EWSR1: variants seen among roughly 807,000 people sequenced by gnomAD.
EWSR1 encodes the protein EWS RNA binding protein 1.
Under a neutral mutation model 92.1 loss-of-function variants are expected in EWSR1, and 14 were observed. The observed-to-expected ratio is 0.15, with a 90% CI of 0.10 to 0.24. The LOEUF is 0.24. EWSR1 is among the 10% of genes least tolerant of loss of function. EWSR1 has a pLI of 1.00. For missense variants in EWSR1, 637 were observed against 870.9 expected, an observed-to-expected ratio of 0.73 and a Z score of 3.38; for synonymous variants, 303 against 292.9, an observed-to-expected ratio of 1.03 and a Z score of -0.35.
At position 29,296,235 on chromosome 22, in the gene EWSR1, C is replaced by CT; in HGVS notation, c.1165-3dup. 6.2e-7 allele frequency: 1 copy of CT among 1,613,668 alleles called. No homozygotes were observed. The highest frequency in any genetic ancestry group is 8.5e-7 in the Non-Finnish European group (1 of 1,179,810). Reference sequence around the variant, plus strand: ...CATGCCTAACTATGCTATTCTTTGTCTAGATGAACAAGAGAACTGGGCAAC... The same window carrying CT: ...CATGCCTAACTATGCTATTCTTTGTCTTAGATGAACAAGAGAACTGGGCAAC... On this transcript the variant is annotated splice_polypyrimidine_tract_variant and splice_region_variant and intron_variant, in intron 11 of 16. Transcript: ENST00000397938.
intron 3 of EWSR1, 132 bp downstream of exon 3, chr22:29,272,563 C>G: frequency 2.2e-6 from 2 of 909,986 alleles, no homozygotes; most frequent in Non-Finnish European, 3.4e-6. Flanking sequence ...GCATTTTAAA[C>G]TTTCACAGTG....
At chr22:29,290,551 CAA>C (rs1348259344) in intron 8 of EWSR1, 1 of 1,560,364 alleles carries the variant, frequency 6.4e-7, no homozygotes, top group African/African-American at 1.4e-5. Flanking sequence ...ATATTTTTAA[CAA>C]AATGTATTCA....
At position 29,282,568 on chromosome 22, in the gene EWSR1, T is replaced by A; in HGVS notation, c.581+11T>A. The A allele has an allele frequency of 6.7e-7, 1 of 1,496,396 alleles. No homozygotes were observed. The highest frequency in any genetic ancestry group is 8.9e-7 in the Non-Finnish European group (1 of 1,127,216). The allele number at this position is 1,496,396 out of a possible 1,614,324, so 92.7% of individuals were successfully genotyped here. On this transcript the variant is annotated intron_variant, in intron 6 of 16. Coordinates refer to ENST00000397938, the MANE Select transcript of EWSR1 (RefSeq NM_005243.4). ...CTACCCTCCTACCAGGTCAGTCTAC[T>A]TTTTGTGGCAAAACAAAAACAGTGA...
chr22:29,278,546 G>C (rs5763125), intron 5 of EWSR1, among the ~76,000 whole-genome samples: 2 of 151,768 alleles, frequency 1.3e-5, no homozygotes, highest in East Asian at 3.9e-4. Context: ...AAATACCGGG[G>C]GGGCGCAGTG....
At chr22:29,286,141 ATTTTTTGGGTTT>A (rs945364755) in intron 6 of EWSR1, among the ~76,000 whole-genome samples, 57 of 144,282 alleles carry the variant, frequency 4.0e-4, no homozygotes, top group African/African-American at 1.4e-3. Flanking sequence ...ACCCGGCCTG[ATTTTTTGGGTTT>A]TTTTTTGGAG....
At chr22:29,268,526 G>A (rs971744779) in intron 1 of EWSR1, among the ~76,000 whole-genome samples, 177 bp downstream of exon 1, 8 of 152,024 alleles carry the variant, frequency 5.3e-5, no homozygotes, top group Non-Finnish European at 8.8e-5. Flanking sequence ...CCAACCGGGC[G>A]GGCCGGTTCT....
intron 4 of EWSR1, among the ~76,000 whole-genome samples, chr22:29,274,803 T>A (rs2058972644): frequency 6.6e-6 from 1 of 152,224 alleles, no homozygotes. Flanking sequence ...TGTATTCCGA[T>A]ACTGAGGTTG....
chr22:29,279,977 C>T (rs2059434663), intron 5 of EWSR1, among the ~76,000 whole-genome samples: 1 of 152,154 alleles, frequency 6.6e-6, no homozygotes, highest in Non-Finnish European at 1.5e-5. Context: ...CTGTCTGTCT[C>T]ATAATCAGTG....
intron 4 of EWSR1, 44 bp from the exon 5 acceptor site, chr22:29,277,986 C>T: frequency 2.5e-6 from 4 of 1,571,374 alleles, no homozygotes; most frequent in East Asian, 2.2e-5. Flanking sequence ...CTAGGCAGAT[C>T]TCTGAGGGGA....
At chr22:29,283,003 C>G (rs920918207) in intron 6 of EWSR1, among the ~76,000 whole-genome samples, 3 of 152,152 alleles carry the variant, frequency 2.0e-5, no homozygotes, top group African/African-American at 7.2e-5. Flanking sequence ...ACCTCGTGAT[C>G]CACCCATCTC....
At chr22:29,280,061 T>C (rs1477838326) in intron 5 of EWSR1, among the ~76,000 whole-genome samples, 1 of 152,128 alleles carries the variant, frequency 6.6e-6, no homozygotes, top group Non-Finnish European at 1.5e-5. Flanking sequence ...TCACACCCTC[T>C]CTGGTTTTTC....
rs1160649962 is a variant in EWSR1 at position 29,278,096 on chromosome 22, A to T, written c.293A>T (p.Tyr98Phe). ...QPVQGYGTGA[Y>F]DTTTATVTTT... Reference sequence around the variant, plus strand: ...GTCCAGGGGTATGGCACTGGTGCTTATGATACCACCACTGCTACAGTCACC... The same window carrying T: ...GTCCAGGGGTATGGCACTGGTGCTTTTGATACCACCACTGCTACAGTCACC... The change falls in exon 5 of 17, where the codon TAT (tyrosine) becomes TTT (phenylalanine). Residue 98 changes from tyrosine (Y) to phenylalanine (F), a missense_variant. Tyr to Phe is a conservative substitution (Grantham distance 22, BLOSUM62 3). Around this residue, in one of 5 missense-constraint regions of EWSR1, gnomAD observed 144 missense variants for 189.0 expected, o/e 0.76. Transcript: ENST00000397938. The T allele has an allele frequency of 1.9e-6, 3 of 1,614,056 alleles. No homozygotes were observed. The highest frequency in any genetic ancestry group is 8.5e-7 in the Non-Finnish European group (1 of 1,179,938).
chr22:29,269,433 A>T (rs1370312020), intron 1 of EWSR1: 1 of 152,236 alleles, frequency 6.6e-6, no homozygotes, highest in East Asian at 1.9e-4. Flanking sequence ...TCGCCTAGCC[A>T]TCACCTGCAG....
At chr22:29,296,492 C>A in intron 12 of EWSR1, 124 bp downstream of exon 12, 1 of 1,161,946 alleles carries the variant, frequency 8.6e-7, no homozygotes, top group Non-Finnish European at 1.2e-6. Flanking sequence ...GATGGCCGGT[C>A]TCCCTGCAGT....
chr22:29,299,182 T>TTATC (rs771403446), intron 14 of EWSR1, 52 bp from the exon 15 acceptor site: 1 of 1,613,876 alleles, frequency 6.2e-7, no homozygotes. Context: ...CTTTCCTTGT[T>TTATC]TATCTTCCTT....
chr22:29,268,555 TGGCGCGCGGGGGGCTTGCTGCGGCGGG>T (rs1399731773), intron 1 of EWSR1, among the ~76,000 whole-genome samples: 6 of 152,052 alleles, frequency 3.9e-5, no homozygotes, highest in Non-Finnish European at 5.9e-5. Flanking sequence ...CCGGCGCCCG[TGGCGCGCGGGGGGCTTGCTGCGGCGGG>T]GGCGCGCGGG....
chr22:29,282,456 G>GC lies in EWSR1; in HGVS notation c.483dup (p.Ser162GlnfsTer8). On this transcript the variant is annotated frameshift_variant, in exon 6 of 17. Transcript: ENST00000397938. LOFTEE classifies it high-confidence loss of function. ...AATCTAGCACAGGGGGTTACAACCA[G>GC]CCCAGCCTAGGATATGGACAGAGTA... is the stretch of plus-strand genomic sequence containing the variant. 1 of 1,593,242 alleles carries GC rather than the reference G, an allele frequency of 6.3e-7. No individual in the cohort carries two copies.
intron 3 of EWSR1, among the ~76,000 whole-genome samples, chr22:29,272,849 A>G (rs2058792304): frequency 6.6e-6 from 1 of 152,224 alleles, no homozygotes. Flanking sequence ...TAGCTCTAAA[A>G]ACTGGCGACC....
rs747853630 is a variant in EWSR1, at chr22:29,296,332, C to G, written c.1258C>G (p.Pro420Ala). ...CGATGCCACAGTGTCCTATGAAGAC[C>G]CACCCACTGCCAAGGCTGCCGTGGA... ...KGDATVSYED[P>A]PTAKAAVEWF... The change falls in exon 12 of 17, where the codon CCA becomes GCA. Residue 420 changes from proline (P) to alanine (A), a missense_variant. Physicochemically the swap from Pro to Ala is conservative, Grantham distance 27. Coordinates refer to ENST00000397938, the MANE Select transcript of EWSR1 (RefSeq NM_005243.4). 6.2e-7 allele frequency: 1 copy of G among 1,614,118 alleles called. No individual in the cohort carries two copies. The highest frequency in any genetic ancestry group is 1.1e-5 in the South Asian group (1 of 91,080).
Sources: gnomAD v4.1 joint callset for allele counts (sites outside exome capture counted in the v4.1 genomes callset) on GRCh38, gnomAD v4.1.1 for gene constraint, gnomAD v4.1.1 regional missense constraint, MANE v1.5 for transcripts, NCBI Gene and HGNC (gene_info 2026-07-23, HGNC 2026-07-21) for gene names.